Variants in DLGAP2 observed in about 807,000 individuals in gnomAD.
DLGAP2 encodes disks large-associated protein 2.
DLGAP2 carries 26 observed loss-of-function variants against 100.3 expected under a neutral mutation model. The ratio of observed to expected loss-of-function variants is 0.26; its 90% CI spans 0.19 to 0.36. The LOEUF (loss-of-function observed/expected upper bound fraction) is 0.36. DLGAP2 is among the 10% of genes least tolerant of loss of function. The probability of loss-of-function intolerance (pLI) is 1.00; values close to 1 mark genes in which losing one functional copy is unlikely to be tolerated. For synonymous variants in DLGAP2, 886 were observed against 630.1 expected (o/e 1.41, Z -6.08); for missense variants, 1,858 against 1,453.2 (o/e 1.28, Z -4.53).
At chr8:865,632 G>C (rs999541008) in intron 1 of DLGAP2, among the ~76,000 whole-genome samples, 1 of 152,212 alleles carries the variant, frequency 6.6e-6, no homozygotes. Flanking sequence ...TTTACTGTTA[G>C]GAAAGATAAG....
chr8:1,671,535 T>TCCTGTCCCAGGGC (rs1798690535), intron 10 of DLGAP2, among the ~76,000 whole-genome samples: 1 of 152,210 alleles, frequency 6.6e-6, no homozygotes, highest in African/African-American at 2.4e-5. Context: ...TGTCCCGGGG[T>TCCTGTCCCAGGGC]GGGGGGTCCT....
intron 1 of DLGAP2, among the ~76,000 whole-genome samples, chr8:887,258 C>A (rs1275696696): frequency 6.6e-6 from 1 of 151,776 alleles, no homozygotes; most frequent in African/African-American, 2.4e-5. Context: ...TTTGAGCCTA[C>A]ATGTGTCTTT....
chr8:829,933 C>G (rs751361736), intron 1 of DLGAP2, among the ~76,000 whole-genome samples: 5 of 152,178 alleles, frequency 3.3e-5, no homozygotes, highest in Non-Finnish European at 5.9e-5. Flanking sequence ...TTATTGACAA[C>G]AATGTTCAAT....
intron 1 of DLGAP2, among the ~76,000 whole-genome samples, chr8:787,357 A>T (rs1821896696): frequency 6.6e-6 from 1 of 152,212 alleles, no homozygotes; most frequent in Admixed American, 6.5e-5. Flanking sequence ...TGTAGCAATC[A>T]TATACCCCTG....
At chr8:1,655,616 C>T (rs1025035553) in intron 8 of DLGAP2, among the ~76,000 whole-genome samples, 2 of 152,172 alleles carry the variant, frequency 1.3e-5, no homozygotes, top group African/African-American at 2.4e-5. Context: ...GTGTTTAAAG[C>T]GATGATGGAT....
At chr8:750,949 G>C (rs1426569547) in intron 1 of DLGAP2, among the ~76,000 whole-genome samples, 1 of 152,274 alleles carries the variant, frequency 6.6e-6, no homozygotes. Flanking sequence ...GAGAAGGTGA[G>C]TTGGCTGAGT....
At chr8:1,092,552 C>T (rs1306671073) in intron 2 of DLGAP2, among the ~76,000 whole-genome samples, 1 of 152,212 alleles carries the variant, frequency 6.6e-6, no homozygotes, top group Non-Finnish European at 1.5e-5. Context: ...GGGGCTGTGG[C>T]CGGCTCTGTG....
In DLGAP2 at chr8:1,231,778, G is replaced by C. The variant is rs1479962682; in HGVS notation, c.74-27073G>C. On this transcript the variant is annotated intron_variant, in intron 2 of 14. Coordinates refer to ENST00000637795, the MANE Select transcript of DLGAP2 (RefSeq NM_001346810.2). ...ATTTGGAAGTATGGATATAATGATG[G>C]CAACAGTAGACCCTGGGGGCCGCTA... 2.6e-5 allele frequency among the ~76,000 whole-genome samples: 4 copies of C among 152,124 alleles called. No homozygotes were observed. The East Asian group carries it at 7.7e-4, about 29-fold the overall frequency.
At chr8:1,269,324 G>T (rs759307657) in intron 3 of DLGAP2, among the ~76,000 whole-genome samples, 8 of 152,212 alleles carry the variant, frequency 5.3e-5, no homozygotes, top group Non-Finnish European at 1.2e-4. Context: ...GAGGCTCCTG[G>T]TACGGGGAGG....
intron 3 of DLGAP2, among the ~76,000 whole-genome samples, chr8:1,275,811 A>G (rs1291884966): frequency 1.7e-5 from 2 of 114,360 alleles, no homozygotes; most frequent in Non-Finnish European, 3.4e-5. Context: ...AATATATAAG[A>G]TATATAATAT....
At chr8:1,593,530 G>C (rs865977332) in intron 6 of DLGAP2, among the ~76,000 whole-genome samples, 3 of 151,986 alleles carry the variant, frequency 2.0e-5, no homozygotes, top group Non-Finnish European at 4.4e-5. Flanking sequence ...TGCACCTTGG[G>C]AAAATACAAA....
At chr8:1,192,010 TC>T in intron 2 of DLGAP2, among the ~76,000 whole-genome samples, 1 of 152,326 alleles carries the variant, frequency 6.6e-6, no homozygotes, top group Non-Finnish European at 1.5e-5. Flanking sequence ...GGCTGTGAGT[TC>T]CGGTTACCTT....
chr8:1,273,396 G>A (rs545517476), intron 3 of DLGAP2, among the ~76,000 whole-genome samples: 1 of 152,306 alleles, frequency 6.6e-6, no homozygotes, highest in South Asian at 2.1e-4. Flanking sequence ...ATCACCCCAG[G>A]TCACACAGCT....
rs72621154 is a variant in DLGAP2, at chr8:858,522, C to T, written c.19-49390C>T. ...GTGGGCACATGTGTGGTGCTGTCAC[C>T]GTGGGCACGTGTAATGCTGTCACCG... On this transcript the variant is annotated intron_variant, in intron 1 of 14. Coordinates refer to ENST00000637795, the MANE Select transcript of DLGAP2 (RefSeq NM_001346810.2). Among the ~76,000 whole-genome samples, 7,008 of 151,318 alleles carry T rather than the reference C, an allele frequency of 0.046. 755 individuals carry two copies. The East Asian group carries it at 0.51, about 11-fold the overall frequency.
intron 2 of DLGAP2, among the ~76,000 whole-genome samples, chr8:1,202,338 CA>C (rs1797897643): frequency 6.6e-6 from 1 of 151,056 alleles, no homozygotes; most frequent in Non-Finnish European, 1.5e-5. Context: ...AGGCCTGGGC[CA>C]GGGGCAGGCA....
intron 2 of DLGAP2, among the ~76,000 whole-genome samples, chr8:1,109,354 A>G (rs112217452): frequency 0.032 from 95 of 2,958 alleles, 5 homozygotes; most frequent in Middle Eastern, 0.17. Context: ...GCACGTGCCT[A>G]TGAAGTGTGC....
In DLGAP2 at chr8:1,204,235, C is replaced by T. The variant is rs532085627; in HGVS notation, c.74-54616C>T. Among the ~76,000 whole-genome samples the T allele has an allele frequency of 1.1e-4, 17 of 152,340 alleles. 1 individual carries two copies. The South Asian group carries it at 2.9e-3, about 26-fold the overall frequency. ...TTATCTGCTCCTACTGTGTGCCCTG[C>T]GCTGTGTTAGATTCCGCGAGAGATT... On this transcript the variant is annotated intron_variant, in intron 2 of 14. Coordinates refer to ENST00000637795, the MANE Select transcript of DLGAP2 (RefSeq NM_001346810.2).
intron 3 of DLGAP2, among the ~76,000 whole-genome samples, chr8:1,440,608 G>A (rs1307567822): frequency 6.6e-6 from 1 of 152,214 alleles, no homozygotes; most frequent in Non-Finnish European, 1.5e-5. Context: ...AGAAATTTTA[G>A]AAGACTCATG....
intron 2 of DLGAP2, among the ~76,000 whole-genome samples, chr8:1,215,028 T>G (rs1045392343): frequency 6.6e-6 from 1 of 152,146 alleles, no homozygotes; most frequent in Non-Finnish European, 1.5e-5. Flanking sequence ...TGTCTAAGTC[T>G]CATGGAAATA....
Sources: allele counts gnomAD v4.1 joint callset (sites outside exome capture counted in the v4.1 genomes callset), GRCh38; gene constraint gnomAD v4.1.1; transcripts MANE v1.5; gene names NCBI Gene and HGNC (gene_info 2026-07-23, HGNC 2026-07-21).